The following CLIC4 variants were observed in gnomAD, a reference collection of about 807,000 sequenced individuals.
The protein encoded by CLIC4 is chloride intracellular channel protein 4.
In CLIC4, 13 loss-of-function variants were observed where a neutral mutation model predicts 24.6. That is an observed-to-expected ratio of 0.53 (90% CI 0.34 to 0.84). The LOEUF (loss-of-function observed/expected upper bound fraction) is 0.84, where lower values mean the gene tolerates loss of function less well. Ranked by LOEUF, CLIC4 falls within the 40% of genes least tolerant of loss-of-function variation. The pLI is 0.01. For synonymous variants in CLIC4, 104 were observed against 111.3 expected, an observed-to-expected ratio of 0.93 and a Z score of 0.41; for missense variants, 227 against 301.7, an observed-to-expected ratio of 0.75 and a Z score of 1.83.
intron 1 of CLIC4, among the ~76,000 whole-genome samples, chr1:24,783,437 C>T (rs1303432636): frequency 6.6e-6 from 1 of 152,086 alleles, no homozygotes; most frequent in African/African-American, 2.4e-5. Context: ...CGTGGTGGCT[C>T]ACGCCTGTAA....
chr1:24,760,530 C>G (rs1638914489), intron 1 of CLIC4, among the ~76,000 whole-genome samples: 1 of 152,122 alleles, frequency 6.6e-6, no homozygotes, highest in South Asian at 2.1e-4. Flanking sequence ...CTAGATTGGT[C>G]TTAAACATGC....
chr1:24,787,702 AT>A (rs530843479), intron 1 of CLIC4, among the ~76,000 whole-genome samples: 339 of 139,014 alleles, frequency 2.4e-3, no homozygotes, highest in Middle Eastern at 3.6e-3. Context: ...CGCCAGGCTA[AT>A]TTTTTTTTTT....
At chr1:24,762,752 C>T (rs1638944098) in intron 1 of CLIC4, among the ~76,000 whole-genome samples, 2 of 151,898 alleles carry the variant, frequency 1.3e-5, no homozygotes, top group Non-Finnish European at 2.9e-5. Flanking sequence ...AGTCATAATA[C>T]AGCGGGTAGA....
At chr1:24,840,095 A>G in intron 5 of CLIC4, 54 bp downstream of exon 5, 2 of 1,500,016 alleles carry the variant, frequency 1.3e-6, no homozygotes, top group Non-Finnish European at 1.8e-6. Context: ...TGTATTTACT[A>G]AAGTGGCATT....
At chr1:24,797,399 C>T (rs1253886008) in intron 1 of CLIC4, among the ~76,000 whole-genome samples, 4 of 151,462 alleles carry the variant, frequency 2.6e-5, no homozygotes, top group Admixed American at 1.3e-4. Context: ...CATGGTGAAA[C>T]CCTGTCTCTA....
chr1:24,836,938 T>G (rs1216677011), intron 4 of CLIC4, among the ~76,000 whole-genome samples: 1 of 152,128 alleles, frequency 6.6e-6, no homozygotes, highest in Admixed American at 6.5e-5. Flanking sequence ...AAGAATAAAG[T>G]GATGAAAATA....
At chr1:24,791,942 G>A (rs1469470819) in intron 1 of CLIC4, among the ~76,000 whole-genome samples, 2 of 151,198 alleles carry the variant, frequency 1.3e-5, no homozygotes, top group South Asian at 2.1e-4. Flanking sequence ...CCAGCTGCTC[G>A]GGAGGCTGAG....
intron 2 of CLIC4, among the ~76,000 whole-genome samples, chr1:24,800,742 G>T (rs948103890): frequency 8.5e-5 from 13 of 152,320 alleles, no homozygotes; most frequent in African/African-American, 2.6e-4. Flanking sequence ...TCTGCCTTGG[G>T]ATCTTGTTGG....
intron 1 of CLIC4, among the ~76,000 whole-genome samples, chr1:24,764,758 T>C (rs1638971880): frequency 6.6e-6 from 1 of 152,156 alleles, no homozygotes; most frequent in Non-Finnish European, 1.5e-5. Flanking sequence ...TTAAAAATAA[T>C]CTTTCAAGCA....
intron 1 of CLIC4, among the ~76,000 whole-genome samples, chr1:24,762,737 TG>T (rs1282546320): frequency 6.6e-6 from 1 of 152,006 alleles, no homozygotes; most frequent in Non-Finnish European, 1.5e-5. Context: ...GTAGTGGTGG[TG>T]GGAAGTCATA....
chr1:24,789,375 G>A (rs1639307412), intron 1 of CLIC4, among the ~76,000 whole-genome samples: 1 of 152,132 alleles, frequency 6.6e-6, no homozygotes, highest in Non-Finnish European at 1.5e-5. Context: ...AAAATTAGCT[G>A]GGTATGGTGA....
At chr1:24,776,908 G>A (rs770840711) in intron 1 of CLIC4, among the ~76,000 whole-genome samples, 3 of 151,946 alleles carry the variant, frequency 2.0e-5, no homozygotes, top group Non-Finnish European at 2.9e-5. Context: ...GCAAAACTCT[G>A]TCTCAAAAAA....
chr1:24,825,339 G>A (rs1639777470), intron 3 of CLIC4, among the ~76,000 whole-genome samples: 1 of 152,140 alleles, frequency 6.6e-6, no homozygotes. Flanking sequence ...TGTATCACAA[G>A]CAGTACAAAC....
At chr1:24,797,311 T>C (rs1367786978) in intron 1 of CLIC4, among the ~76,000 whole-genome samples, 1 of 151,300 alleles carries the variant, frequency 6.6e-6, no homozygotes, top group Non-Finnish European at 1.5e-5. Flanking sequence ...CAGTGGCTCA[T>C]GCCTGTAATC....
chr1:24,793,079 TTTAG>T (rs1308002674), intron 1 of CLIC4: 1 of 152,136 alleles, frequency 6.6e-6, no homozygotes, highest in African/African-American at 2.4e-5. Context: ...CTTGGGAAAT[TTTAG>T]TTAATTTTAT....
At position 24,839,887 on chromosome 1, in the gene CLIC4, T is replaced by C; in HGVS notation, c.443T>C (p.Leu148Pro). 6.2e-7 allele frequency: 1 copy of C among 1,612,148 alleles called. No homozygotes were observed. Among genetic ancestry groups the C allele is most frequent in the Non-Finnish European group, 8.5e-7 (1 of 1,179,872 alleles). The change falls in exon 5 of 6, where the codon CTG (leucine) becomes CCG (proline). Residue 148 changes from leucine to proline, a missense_variant. Physicochemically the swap from Leu to Pro is moderately conservative, Grantham distance 98. Coordinates refer to ENST00000374379, the MANE Select transcript of CLIC4 (RefSeq NM_013943.3). ...CTGGAGAGGGGTCTCCTGAAAACCC[T>C]GCAGAAACTGGATGAATATCTGAAT... ...EALERGLLKT[L>P]QKLDEYLNSP...
At chr1:24,774,461 G>T (rs1324877117) in intron 1 of CLIC4, among the ~76,000 whole-genome samples, 1 of 152,114 alleles carries the variant, frequency 6.6e-6, no homozygotes, top group African/African-American at 2.4e-5. Context: ...ATTTTGAGTT[G>T]ATTTTTATTG....
In CLIC4 at chr1:24,843,025, T is replaced by A. The variant is rs1639958378; in HGVS notation, c.*2088T>A. On this transcript the variant is annotated 3_prime_UTR_variant, in exon 6 of 6. Coordinates refer to ENST00000374379, the MANE Select transcript of CLIC4 (RefSeq NM_013943.3). ...GAGGAAAGAACTACATTCTTCAGAATACAGTGATGAAAATTCATTTTGAAA... is the reference window on the plus strand; with the variant it reads ...GAGGAAAGAACTACATTCTTCAGAAAACAGTGATGAAAATTCATTTTGAAA... 6.6e-6 allele frequency: 1 copy of A among 152,200 alleles called. No homozygotes were observed. Among genetic ancestry groups the A allele is most frequent in the Admixed American group, 6.5e-5 (1 of 15,272 alleles). 9.4% of individuals were successfully genotyped at this position (152,200 alleles called of 1,614,324 possible). A position where few individuals can be genotyped will look rare whatever the true frequency, so the allele number is the denominator to read the frequency against.
chr1:24,763,533 CAAAAAAAAAAA>C (rs33955013), intron 1 of CLIC4, among the ~76,000 whole-genome samples: 16 of 78,960 alleles, frequency 2.0e-4, no homozygotes, highest in African/African-American at 8.3e-4. Context: ...ACTCCGTCTC[CAAAAAAAAAAA>C]AAAAAAAAAA....
Sources: allele counts gnomAD v4.1 joint callset (sites outside exome capture counted in the v4.1 genomes callset), GRCh38; gene constraint gnomAD v4.1.1; transcripts MANE v1.5; gene names NCBI Gene and HGNC (gene_info 2026-07-23, HGNC 2026-07-21).